Variants in MAPRE2 observed in about 807,000 individuals in gnomAD.
MAPRE2 encodes the protein microtubule-associated protein RP/EB family member 2.
In MAPRE2, 13 loss-of-function variants were observed where a neutral mutation model predicts 43.2. The ratio of observed to expected loss-of-function variants is 0.30; its 90% CI spans 0.20 to 0.48. The LOEUF is 0.48. Among genes scored for constraint, MAPRE2 ranks in the 20% least tolerant of loss-of-function variants. MAPRE2 has a pLI of 0.99. For missense variants in MAPRE2, 161 were observed against 400.2 expected, an observed-to-expected ratio of 0.40 and a Z score of 5.10; for synonymous variants, 135 against 148.8, an observed-to-expected ratio of 0.91 and a Z score of 0.68.
intron 1 of MAPRE2, among the ~76,000 whole-genome samples, chr18:35,059,186 C>G (rs1906392487): frequency 6.6e-6 from 1 of 152,104 alleles, no homozygotes; most frequent in African/African-American, 2.4e-5. Context: ...ACACATGTGC[C>G]CACATTTATC....
intron 1 of MAPRE2, among the ~76,000 whole-genome samples, chr18:35,001,614 T>C (rs996970660): frequency 1.1e-4 from 17 of 151,834 alleles, no homozygotes; most frequent in African/African-American, 4.1e-4. Context: ...ATTAAGAAGG[T>C]ACACGAGGGA....
At chr18:35,048,538 A>C (rs1007576231) in intron 1 of MAPRE2, among the ~76,000 whole-genome samples, 1 of 150,332 alleles carries the variant, frequency 6.7e-6, no homozygotes, top group Admixed American at 6.7e-5. Flanking sequence ...CATATACTAC[A>C]TATACTATAT....
intron 1 of MAPRE2, among the ~76,000 whole-genome samples, chr18:34,980,418 T>C (rs117074559): frequency 0.022 from 3,387 of 152,250 alleles, 59 homozygotes; most frequent in Middle Eastern, 0.058. Flanking sequence ...TCTTAGAGCA[T>C]CTATTGTAGC....
At chr18:35,034,913 G>C (rs936374552) in intron 2 of MAPRE2, among the ~76,000 whole-genome samples, 8 of 152,044 alleles carry the variant, frequency 5.3e-5, no homozygotes, top group Admixed American at 5.2e-4. Context: ...CCCTGTTGGT[G>C]GGACTGTAAA....
intron 1 of MAPRE2, among the ~76,000 whole-genome samples, chr18:35,003,042 T>C (rs561488784): frequency 6.6e-6 from 1 of 152,310 alleles, no homozygotes; most frequent in South Asian, 2.1e-4. Context: ...TTCACATTTA[T>C]GCCATGATCC....
intron 2 of MAPRE2, among the ~76,000 whole-genome samples, chr18:35,071,300 G>A (rs200665792): frequency 1.3e-5 from 1 of 79,232 alleles, no homozygotes; most frequent in South Asian, 4.6e-4. Context: ...AGGATCGCTT[G>A]AGCCCAGGAG....
chr18:35,060,802 A>G (rs1906484116), intron 1 of MAPRE2, among the ~76,000 whole-genome samples: 1 of 152,214 alleles, frequency 6.6e-6, no homozygotes, highest in South Asian at 2.1e-4. Context: ...GTAGTGGATG[A>G]GGTTAATGCA....
intron 4 of MAPRE2, among the ~76,000 whole-genome samples, chr18:35,118,373 G>A (rs894925994): frequency 3.9e-5 from 6 of 152,078 alleles, no homozygotes; most frequent in Non-Finnish European, 8.8e-5. Context: ...CCCTCCCCTT[G>A]GAATCAATAG....
intron 2 of MAPRE2, among the ~76,000 whole-genome samples, chr18:35,097,087 T>C (rs1336894453): frequency 6.6e-6 from 1 of 152,104 alleles, no homozygotes; most frequent in African/African-American, 2.4e-5. Context: ...TGGAAGAAAA[T>C]GTATATTTCT....
At chr18:35,046,089 T>A in intron 1 of MAPRE2, among the ~76,000 whole-genome samples, 1 of 152,246 alleles carries the variant, frequency 6.6e-6, no homozygotes, top group Admixed American at 6.5e-5. Flanking sequence ...CAGCATCTTT[T>A]CTTTATTTAC....
intron 4 of MAPRE2, among the ~76,000 whole-genome samples, chr18:35,124,239 AGGAG>A (rs1909810969): frequency 6.6e-6 from 1 of 152,178 alleles, no homozygotes; most frequent in South Asian, 2.1e-4. Context: ...GGCAGCAGGA[AGGAG>A]GAAGTGCCAA....
At chr18:35,055,109 T>C (rs531540) in intron 1 of MAPRE2, among the ~76,000 whole-genome samples, 16 of 152,186 alleles carry the variant, frequency 1.1e-4, no homozygotes, top group Non-Finnish European at 1.8e-4. Flanking sequence ...ATTACAAACG[T>C]TTATATGGAT....
At chr18:35,007,876 C>T (rs572990517) in intron 2 of MAPRE2, among the ~76,000 whole-genome samples, 2 of 152,002 alleles carry the variant, frequency 1.3e-5, no homozygotes, top group South Asian at 4.2e-4. Flanking sequence ...ATTCCAGATC[C>T]GCAACCAAAA....
intron 1 of MAPRE2, among the ~76,000 whole-genome samples, chr18:35,046,928 G>A (rs1905655813): frequency 6.6e-6 from 1 of 152,168 alleles, no homozygotes; most frequent in Non-Finnish European, 1.5e-5. Context: ...TGGCAAGTGT[G>A]GAGAGCTGCC....
chr18:35,021,987 T>C (rs2097042209), intron 2 of MAPRE2, among the ~76,000 whole-genome samples: 1 of 152,176 alleles, frequency 6.6e-6, no homozygotes, highest in Admixed American at 6.5e-5. Flanking sequence ...ATCACCTGAA[T>C]GTTATAGACA....
chr18:34,989,592 T>C (rs2097022724), intron 1 of MAPRE2, among the ~76,000 whole-genome samples: 1 of 152,174 alleles, frequency 6.6e-6, no homozygotes, highest in Non-Finnish European at 1.5e-5. Flanking sequence ...GTACTTATAG[T>C]TCCAGATGCT....
chr18:34,990,099 A>T (rs908440720), intron 1 of MAPRE2, among the ~76,000 whole-genome samples: 3 of 152,214 alleles, frequency 2.0e-5, no homozygotes, highest in African/African-American at 7.2e-5. Flanking sequence ...ATTTTCCAAT[A>T]CAATGATTTG....
intron 2 of MAPRE2, among the ~76,000 whole-genome samples, chr18:35,087,251 A>G (rs1407345152): frequency 6.6e-6 from 1 of 151,496 alleles, no homozygotes; most frequent in African/African-American, 2.5e-5. Flanking sequence ...TGTAGAAAGA[A>G]TAGTTTTTTC....
At chr18:35,097,712 G>T (rs1908492416) in intron 3 of MAPRE2, 121 bp downstream of exon 3, 3 of 785,152 alleles carry the variant, frequency 3.8e-6, no homozygotes, top group Non-Finnish European at 6.0e-6. Context: ...AGTAGGCTGG[G>T]GTCTGTACCT....
Sources: gnomAD v4.1 joint callset for allele counts (sites outside exome capture counted in the v4.1 genomes callset) on GRCh38, gnomAD v4.1.1 for gene constraint, MANE v1.5 for transcripts, NCBI Gene and HGNC (gene_info 2026-07-23, HGNC 2026-07-21) for gene names.